MBNL2: variants seen among roughly 807,000 people sequenced by gnomAD.
MBNL2 encodes the protein muscleblind like splicing regulator 2.
A neutral mutation model predicts 41.9 loss-of-function variants in MBNL2; 17 were observed. The ratio of observed to expected loss-of-function variants is 0.41; its 90% confidence interval spans 0.28 to 0.61. The LOEUF is 0.61. Ranked by LOEUF, MBNL2 falls within the 20% of genes least tolerant of loss-of-function variation. The pLI is 0.35. For missense variants in MBNL2, 336 were observed against 505.6 expected, an observed-to-expected ratio of 0.66 and a Z score of 3.22; for synonymous variants, 195 against 182.9, an observed-to-expected ratio of 1.07 and a Z score of -0.53.
At chr13:97,165,613 A>G in the MBNL2 span, among the ~76,000 whole-genome samples, 1 of 152,234 alleles carries the variant, frequency 6.6e-6, no homozygotes, top group Non-Finnish European at 1.5e-5. Flanking sequence ...TGTTTTAATA[A>G]TGCAAATTAT....
At chr13:97,168,977 C>T in the MBNL2 span, among the ~76,000 whole-genome samples, 1 of 152,126 alleles carries the variant, frequency 6.6e-6, no homozygotes, top group African/African-American at 2.4e-5. Context: ...TCCCAAATCA[C>T]CAAAGACAGA....
chr13:97,156,468 C>T, the MBNL2 span, among the ~76,000 whole-genome samples: 6 of 139,232 alleles, frequency 4.3e-5, no homozygotes, highest in Admixed American at 7.3e-5. Flanking sequence ...GAAGTCCTTG[C>T]CCATGCCTAT....
the MBNL2 span, among the ~76,000 whole-genome samples, chr13:97,151,971 C>T: frequency 6.6e-6 from 1 of 152,136 alleles, no homozygotes; most frequent in Non-Finnish European, 1.5e-5. Context: ...TCAGCCCACT[C>T]ATCTGTAAGC....
At chr13:97,335,847 A>G (rs2060837295) in intron 3 of MBNL2, among the ~76,000 whole-genome samples, 1 of 152,224 alleles carries the variant, frequency 6.6e-6, no homozygotes. Context: ...TGTTTAAACT[A>G]CACACATGTA....
chr13:97,354,942 C>T (rs1270324669), intron 5 of MBNL2, among the ~76,000 whole-genome samples: 2 of 152,130 alleles, frequency 1.3e-5, no homozygotes, highest in African/African-American at 4.8e-5. Flanking sequence ...TGAGAATAGG[C>T]TTTGTAACCT....
chr13:97,332,391 T>G (rs907775347), intron 2 of MBNL2, among the ~76,000 whole-genome samples: 11 of 152,212 alleles, frequency 7.2e-5, no homozygotes, highest in African/African-American at 2.7e-4. Flanking sequence ...TCAAAGACTT[T>G]GCACACATGA....
At chr13:97,271,533 C>T (rs561305493) in intron 1 of MBNL2, among the ~76,000 whole-genome samples, 10 of 152,198 alleles carry the variant, frequency 6.6e-5, no homozygotes, top group South Asian at 4.1e-4. Context: ...ACGTGTGCCA[C>T]GGTGGTTTGC....
chr13:97,180,181 G>A, the MBNL2 span, among the ~76,000 whole-genome samples: 1 of 152,152 alleles, frequency 6.6e-6, no homozygotes. Context: ...CTTGGTTAGG[G>A]ATTTTGAGGG....
chr13:97,144,173 C>G, the MBNL2 span, among the ~76,000 whole-genome samples: 1 of 151,560 alleles, frequency 6.6e-6, no homozygotes, highest in Non-Finnish European at 1.5e-5. Context: ...TGTGGTGCCA[C>G]GTGGAGTGGG....
chr13:97,326,655 G>A lies in MBNL2; in HGVS notation c.175-7621G>A, dbSNP rs111719679. Among the ~76,000 whole-genome samples, 1,217 of 152,202 alleles carry A rather than the reference G, an allele frequency of 8.0e-3. 17 individuals carry two copies. Among genetic ancestry groups the A allele is most frequent in the African/African-American group, 0.028 (1,153 of 41,524 alleles). On this transcript the variant is annotated intron_variant, in intron 2 of 8. Transcript: ENST00000679496. ...AAAGTTACTTTCTAATTCTGAAGCC[G>A]TTATGTGATTGCATTTTATTTGCTA...
intron 1 of MBNL2, among the ~76,000 whole-genome samples, chr13:97,244,964 G>A (rs2045146186): frequency 6.6e-6 from 1 of 152,068 alleles, no homozygotes; most frequent in Non-Finnish European, 1.5e-5. Context: ...TTGGCCAAGA[G>A]TATTTTATCT....
chr13:97,278,715 C>A (rs184257041), intron 2 of MBNL2, among the ~76,000 whole-genome samples: 1 of 152,162 alleles, frequency 6.6e-6, no homozygotes, highest in Non-Finnish European at 1.5e-5. Context: ...CCTGCTGGAG[C>A]CTTTTTGAGG....
intron 2 of MBNL2, among the ~76,000 whole-genome samples, chr13:97,310,573 G>A (rs2058505683): frequency 6.6e-6 from 1 of 151,852 alleles, no homozygotes; most frequent in Non-Finnish European, 1.5e-5. Context: ...GGGACTACAG[G>A]CACCCGCCAC....
intron 2 of MBNL2, among the ~76,000 whole-genome samples, chr13:97,284,123 C>T (rs930868213): frequency 6.6e-6 from 1 of 152,220 alleles, no homozygotes; most frequent in East Asian, 1.9e-4. Context: ...GTACCACAAA[C>T]CGTGTGGTTT....
intron 3 of MBNL2, among the ~76,000 whole-genome samples, chr13:97,339,958 A>G (rs2061318856): frequency 6.6e-6 from 1 of 151,916 alleles, no homozygotes. Flanking sequence ...ATGGCCTCAG[A>G]CTAGGAGCCA....
the MBNL2 span, among the ~76,000 whole-genome samples, chr13:97,145,033 A>C: frequency 6.6e-6 from 1 of 152,230 alleles, no homozygotes; most frequent in African/African-American, 2.4e-5. Context: ...TGCTTTAGCA[A>C]TAAAATATGT....
At chr13:97,158,397 C>A in the MBNL2 span, among the ~76,000 whole-genome samples, 1 of 152,088 alleles carries the variant, frequency 6.6e-6, no homozygotes, top group Non-Finnish European at 1.5e-5. Context: ...CTATTTCCTT[C>A]AGTTCTGCTC....
rs2066410349 is a variant in MBNL2, at chr13:97,392,601, G to T, written c.*1152G>T. 2 of 152,180 alleles carry T rather than the reference G, an allele frequency of 1.3e-5. No individual in the cohort carries two copies. The highest frequency in any genetic ancestry group is 1.9e-4 in the East Asian group (1 of 5,198). The allele number at this position is 152,180 out of a possible 1,614,324, so 9.4% of individuals were successfully genotyped here. Reference sequence around the variant, plus strand: ...ATACATATATATACTATATATGGATGAAACATATTTTAATGTTGTTTACTT... The same window carrying T: ...ATACATATATATACTATATATGGATTAAACATATTTTAATGTTGTTTACTT... On this transcript the variant is annotated 3_prime_UTR_variant, in exon 9 of 9. Transcript: ENST00000679496.
the MBNL2 span, among the ~76,000 whole-genome samples, chr13:97,213,159 T>C: frequency 6.6e-6 from 1 of 152,086 alleles, no homozygotes; most frequent in Non-Finnish European, 1.5e-5. Flanking sequence ...TAAGAACATA[T>C]AGCATCAAAT....
Sources: gnomAD v4.1 joint callset for allele counts (sites outside exome capture counted in the v4.1 genomes callset) on GRCh38, gnomAD v4.1.1 for gene constraint, MANE v1.5 for transcripts, NCBI Gene and HGNC (gene_info 2026-07-23, HGNC 2026-07-21) for gene names.